PIGF: variants seen among roughly 807,000 people sequenced by gnomAD.
The protein encoded by PIGF is phosphatidylinositol glycan anchor biosynthesis class F, also known as GPI ethanolamine phosphate transferase, stabilizing subunit.
A neutral mutation model predicts 26.0 loss-of-function variants in PIGF; 23 were observed. The ratio of observed to expected loss-of-function variants is 0.88; its 90% CI spans 0.64 to 1.25. PIGF has a LOEUF of 1.25. PIGF is among the 50% of genes most tolerant of loss of function. The pLI is 0.00. For synonymous variants in PIGF, 93 were observed against 92.6 expected, an observed-to-expected ratio of 1.00 and a Z score of -0.03; for missense variants, 278 against 249.9, an observed-to-expected ratio of 1.11 and a Z score of -0.76.
intron 5 of PIGF, among the ~76,000 whole-genome samples, chr2:46,587,584 A>C (rs1005155868): frequency 2.0e-5 from 3 of 152,204 alleles, no homozygotes; most frequent in Admixed American, 1.3e-4. Flanking sequence ...CTCCAAATTC[A>C]GTTATTTAAA....
At chr2:46,583,348 C>T (rs1279323768) in intron 5 of PIGF, among the ~76,000 whole-genome samples, 5 of 152,124 alleles carry the variant, frequency 3.3e-5, no homozygotes, top group Non-Finnish European at 7.4e-5. Context: ...AGATCTCCAA[C>T]GTCTCTCCCA....
Position 46,615,049 on chromosome 2 carries a change from G to A in PIGF, c.116C>T (p.Thr39Ile), listed in dbSNP as rs770941102. The change falls in exon 2 of 6, where the codon ACA becomes ATA. Residue 39 changes from threonine (T) to isoleucine (I), a missense_variant. By Grantham distance (89) the Thr-to-Ile change is moderately conservative (BLOSUM62 -1). Transcript: ENST00000281382. Reference protein sequence around the residue: ...LFLENFSILETHLTWLCICSG... With the variant: ...LFLENFSILEIHLTWLCICSG... ...ACAGATGCACAACCATGTCAAGTGT[G>A]TTTCCAATATTGAGAAGTTCTCCAA... The A allele has an allele frequency of 1.9e-6, 3 of 1,600,588 alleles. No homozygotes were observed. The East Asian group carries it at 6.7e-5, about 36-fold the overall frequency.
At chr2:46,585,968 G>T (rs557001820) in intron 5 of PIGF, among the ~76,000 whole-genome samples, 2 of 152,224 alleles carry the variant, frequency 1.3e-5, no homozygotes, top group East Asian at 3.9e-4. Flanking sequence ...TAGAGACAGG[G>T]TTTCAATGTG....
At chr2:46,610,350 A>G (rs1211720025) in intron 4 of PIGF, among the ~76,000 whole-genome samples, 1 of 152,202 alleles carries the variant, frequency 6.6e-6, no homozygotes, top group Non-Finnish European at 1.5e-5. Flanking sequence ...CCAAAGTAAT[A>G]AGATTTCAAT....
chr2:46,596,413 T>A (rs1459425805), intron 4 of PIGF, among the ~76,000 whole-genome samples: 1 of 152,122 alleles, frequency 6.6e-6, no homozygotes, highest in Non-Finnish European at 1.5e-5. Context: ...TTTATGATCC[T>A]ACATATAATA....
chr2:46,586,986 T>C lies in PIGF; in HGVS notation c.547-5395A>G, dbSNP rs139699009. ...TTGTCAAAATGACACTAAAAGGTTC[T>C]GGTCACAACTCGTGCAAACGAGTTA... is the stretch of plus-strand genomic sequence containing the variant. On this transcript the variant is annotated intron_variant, in intron 5 of 5. Coordinates refer to ENST00000281382, the MANE Select transcript of PIGF (RefSeq NM_002643.4). 2.1e-3 allele frequency among the ~76,000 whole-genome samples: 317 copies of C among 152,340 alleles called. 2 individuals are homozygous for C. The highest frequency in any genetic ancestry group is 7.2e-3 in the African/African-American group (298 of 41,588).
chr2:46,613,126 C>T (rs900134823), intron 3 of PIGF, among the ~76,000 whole-genome samples: 1 of 151,900 alleles, frequency 6.6e-6, no homozygotes, highest in African/African-American at 2.4e-5. Context: ...TCACTCATTT[C>T]ACCATGATCA....
At chr2:46,585,691 C>T (rs1479784481) in intron 5 of PIGF, among the ~76,000 whole-genome samples, 2 of 152,086 alleles carry the variant, frequency 1.3e-5, no homozygotes, top group Non-Finnish European at 1.5e-5. Context: ...ATAAGTAGAA[C>T]CGGCAGTTTA....
At chr2:46,616,583 G>C (rs1670638918) in intron 1 of PIGF, 1 of 153,760 alleles carries the variant, frequency 6.5e-6, no homozygotes, top group Non-Finnish European at 1.4e-5. Flanking sequence ...ACCTCGCTAC[G>C]CACCGCAGCG....
chr2:46,614,813 A>G (rs559360055), intron 2 of PIGF, 124 bp downstream of exon 2: 5 of 588,992 alleles, frequency 8.5e-6, no homozygotes, highest in Middle Eastern at 2.7e-4. Context: ...ATTTGGGGGG[A>G]AAAATATCAG....
intron 4 of PIGF, among the ~76,000 whole-genome samples, chr2:46,611,864 T>C (rs567762680): frequency 6.6e-6 from 1 of 152,352 alleles, no homozygotes; most frequent in East Asian, 1.9e-4. Flanking sequence ...GTAAGCAATT[T>C]TATTTACAGC....
chr2:46,592,158 C>G (rs904512365), intron 5 of PIGF, among the ~76,000 whole-genome samples: 1 of 152,068 alleles, frequency 6.6e-6, no homozygotes, highest in African/African-American at 2.4e-5. Context: ...TAGAGGACAG[C>G]CTGGGCAAGA....
chr2:46,594,085 A>G (rs898935420), intron 4 of PIGF, among the ~76,000 whole-genome samples: 3 of 152,244 alleles, frequency 2.0e-5, no homozygotes, highest in African/African-American at 7.2e-5. Flanking sequence ...AATATAAGTC[A>G]GCTTTTTCAA....
intron 3 of PIGF, among the ~76,000 whole-genome samples, 199 bp downstream of exon 3, chr2:46,613,495 A>G (rs1242216888): frequency 6.6e-6 from 1 of 152,168 alleles, no homozygotes; most frequent in Non-Finnish European, 1.5e-5. Context: ...CTAGAAGGCT[A>G]GGTAACAAGA....
chr2:46,586,063 C>T (rs1385919600), intron 5 of PIGF, among the ~76,000 whole-genome samples: 1 of 152,114 alleles, frequency 6.6e-6, no homozygotes, highest in African/African-American at 2.4e-5. Flanking sequence ...CGTGAGCCAC[C>T]GCGCCCAGCC....
rs1669653035 is a variant in PIGF at position 46,588,855 on chromosome 2, T to G, written c.546+3620A>C. Among the ~76,000 whole-genome samples the G allele has an allele frequency of 6.6e-6, 1 of 152,152 alleles. No homozygotes were observed. Among genetic ancestry groups the G allele is most frequent in the African/African-American group, 2.4e-5 (1 of 41,438 alleles). ...GTATTTAAGTATCTGTTGTACTTACTTACACAGAACATATGCTATGCATAC... is the reference window on the plus strand; with the variant it reads ...GTATTTAAGTATCTGTTGTACTTACGTACACAGAACATATGCTATGCATAC... On this transcript the variant is annotated intron_variant, in intron 5 of 5. Transcript: ENST00000281382. This position sits in a 1 kb window ranked among gnomAD's most constrained non-coding sequence, Gnocchi z 4.1.
In PIGF at chr2:46,613,953, C is replaced by A. The variant is rs1670519530; in HGVS notation, c.229-168G>T. The stretch of plus-strand genomic sequence containing the variant: ...TGTCCTGTACCGTCACATACACAGC[C>A]TTCGATACAGACTAAAAAAGCCTAA... On this transcript the variant is annotated intron_variant, in intron 2 of 5. Coordinates refer to ENST00000281382, the MANE Select transcript of PIGF (RefSeq NM_002643.4). The A allele has an allele frequency of 1.8e-5, 10 of 563,234 alleles. No homozygotes were observed. In the South Asian group the frequency reaches 2.2e-4, roughly 12 times the overall value. 34.9% of individuals were successfully genotyped at this position (563,234 alleles called of 1,614,324 possible).
intron 5 of PIGF, among the ~76,000 whole-genome samples, chr2:46,584,225 T>A (rs1669495413): frequency 6.6e-6 from 1 of 152,216 alleles, no homozygotes; most frequent in Admixed American, 6.5e-5. Context: ...CATAGTTTAC[T>A]ATCTACGTAA....
intron 5 of PIGF, chr2:46,591,900 T>C: frequency 7.7e-7 from 1 of 1,304,030 alleles, no homozygotes; most frequent in Non-Finnish European, 1.0e-6. Flanking sequence ...AGGCCGCTGC[T>C]GCAAAAATTA....
Sources: gnomAD v4.1 joint callset for allele counts (sites outside exome capture counted in the v4.1 genomes callset) on GRCh38, gnomAD v4.1.1 for gene constraint, Gnocchi (gnomAD v3.1) non-coding constraint, MANE v1.5 for transcripts, NCBI Gene and HGNC (gene_info 2026-07-23, HGNC 2026-07-21) for gene names.